PLCL1: variants seen among roughly 807,000 people sequenced by gnomAD.
PLCL1 encodes the protein phospholipase C like 1 (inactive), also known as inactive phospholipase C-like protein 1.
In PLCL1, 41 loss-of-function variants were observed where a neutral mutation model predicts 84.4. The ratio of observed to expected loss-of-function variants is 0.49; its 90% CI spans 0.38 to 0.63. The LOEUF (loss-of-function observed/expected upper bound fraction) is 0.63, where lower values mean the gene tolerates loss of function less well. Among genes scored for constraint, PLCL1 ranks in the 30% least tolerant of loss-of-function variants. PLCL1 has a pLI of 0.00. For synonymous variants in PLCL1, 490 were observed against 488.3 expected, an observed-to-expected ratio of 1.00 and a Z score of -0.05; for missense variants, 1,206 against 1,367.8, an observed-to-expected ratio of 0.88 and a Z score of 1.87.
chr2:197,930,574 C>G (rs1688912114), intron 1 of PLCL1, among the ~76,000 whole-genome samples: 1 of 151,994 alleles, frequency 6.6e-6, no homozygotes, highest in Non-Finnish European at 1.5e-5. Context: ...ATACCTTATT[C>G]TTTGATGCTT....
intron 1 of PLCL1, among the ~76,000 whole-genome samples, chr2:197,926,531 A>C (rs185985936): frequency 1.3e-5 from 2 of 152,304 alleles, no homozygotes; most frequent in Non-Finnish European, 2.9e-5. Context: ...ATATTTAAAA[A>C]ATTTGTCTCT....
rs1690453252 is a variant in PLCL1, at chr2:197,805,462, A to T, written c.240+123A>T. The T allele has an allele frequency of 1.1e-6, 1 of 901,804 alleles. No homozygotes were observed. 55.9% of individuals were successfully genotyped at this position (901,804 alleles called of 1,614,324 possible). Reference sequence around the variant, plus strand: ...GCATTGTTTTCTCCCACCTCCTTCAACGCCAAACCTTCCTTCCTTATCCGG... The same window carrying T: ...GCATTGTTTTCTCCCACCTCCTTCATCGCCAAACCTTCCTTCCTTATCCGG... On this transcript the variant is annotated intron_variant, in intron 1 of 5. Coordinates refer to ENST00000428675, the MANE Select transcript of PLCL1 (RefSeq NM_006226.4). The surrounding 1 kb of genome is among the most constrained non-coding windows in gnomAD (Gnocchi z 4.0).
intron 3 of PLCL1, among the ~76,000 whole-genome samples, chr2:198,089,340 A>G (rs1262676309): frequency 1.3e-5 from 2 of 152,242 alleles, no homozygotes; most frequent in African/African-American, 2.4e-5. Flanking sequence ...ATGTACACTC[A>G]TCATCTAAAT....
At chr2:198,076,620 T>C (rs1692581590) in intron 1 of PLCL1, among the ~76,000 whole-genome samples, 1 of 152,140 alleles carries the variant, frequency 6.6e-6, no homozygotes, top group African/African-American at 2.4e-5. Flanking sequence ...TACTTCTCAA[T>C]AGTGGCCATT....
intron 1 of PLCL1, among the ~76,000 whole-genome samples, chr2:198,034,385 A>G (rs1691504462): frequency 6.6e-6 from 1 of 152,236 alleles, no homozygotes; most frequent in South Asian, 2.1e-4. Context: ...GTATATACCC[A>G]AAGGATTATA....
At chr2:198,100,634 G>A (rs1693309469) in intron 3 of PLCL1, among the ~76,000 whole-genome samples, 1 of 152,086 alleles carries the variant, frequency 6.6e-6, no homozygotes, top group Non-Finnish European at 1.5e-5. Flanking sequence ...AAATGACAAA[G>A]CCAGGAATTA....
At chr2:197,934,767 A>ATACG (rs1449341278) in intron 1 of PLCL1, among the ~76,000 whole-genome samples, 1 of 152,236 alleles carries the variant, frequency 6.6e-6, no homozygotes, top group African/African-American at 2.4e-5. Context: ...GTCACCTCAC[A>ATACG]TACGTATCAT....
intron 1 of PLCL1, among the ~76,000 whole-genome samples, chr2:197,943,627 C>CTTTTTTTTTTTTTTTTTTTTTTTTTTT (rs5837573): frequency 1.7e-5 from 2 of 119,208 alleles, no homozygotes; most frequent in Non-Finnish European, 1.7e-5. Flanking sequence ...TTGGTTACAT[C>CTTTTTTTTTTTTTTTTTTTTTTTTTTT]TTTTTTTTTT....
chr2:197,983,033 T>C (rs1003641436), intron 1 of PLCL1, among the ~76,000 whole-genome samples: 3 of 151,982 alleles, frequency 2.0e-5, no homozygotes, highest in African/African-American at 7.2e-5. Context: ...TTTTAGTTCA[T>C]TATTTAGTTC....
intron 1 of PLCL1, among the ~76,000 whole-genome samples, chr2:197,997,143 C>T (rs765744689): frequency 6.6e-6 from 1 of 152,224 alleles, no homozygotes; most frequent in Non-Finnish European, 1.5e-5. Flanking sequence ...GTATAGCTGG[C>T]TTATCCCAGC....
intron 1 of PLCL1, among the ~76,000 whole-genome samples, chr2:197,909,376 T>G (rs563875498): frequency 6.6e-6 from 1 of 152,130 alleles, no homozygotes; most frequent in Non-Finnish European, 1.5e-5. Flanking sequence ...GCACTAAAAA[T>G]TCGTGCCTGG....
chr2:198,099,274 T>G (rs1036334), intron 3 of PLCL1, among the ~76,000 whole-genome samples: 90,884 of 151,672 alleles, frequency 0.6, 27,867 homozygotes, highest in East Asian at 0.81. Context: ...ATCAGTATCA[T>G]TTAGAGATCT....
chr2:197,906,488 G>A lies in PLCL1; in HGVS notation c.240+101149G>A, dbSNP rs144105924. Among the ~76,000 whole-genome samples the A allele has an allele frequency of 2.6e-3, 391 of 152,262 alleles. 1 individual carries two copies. The highest frequency in any genetic ancestry group is 8.9e-3 in the African/African-American group (371 of 41,530). On this transcript the variant is annotated intron_variant, in intron 1 of 5. Transcript: ENST00000428675. Reference sequence around the variant, plus strand: ...AGCCTTGTAGTATAGTTTGAAGTCAGGTAGCATGATGCCTCCAGCTTTGTT... The same window carrying A: ...AGCCTTGTAGTATAGTTTGAAGTCAAGTAGCATGATGCCTCCAGCTTTGTT...
chr2:198,003,558 T>C (rs1388627692), intron 1 of PLCL1, among the ~76,000 whole-genome samples: 1 of 152,238 alleles, frequency 6.6e-6, no homozygotes, highest in African/African-American at 2.4e-5. Context: ...TTAGACCTTC[T>C]ACTTAAGACA....
chr2:198,133,953 T>C (rs577381684), intron 5 of PLCL1, among the ~76,000 whole-genome samples: 1 of 152,278 alleles, frequency 6.6e-6, no homozygotes, highest in South Asian at 2.1e-4. Flanking sequence ...ATAAGAGTAT[T>C]GTAGTTATAC....
chr2:197,917,017 C>G (rs1688612145), intron 1 of PLCL1, among the ~76,000 whole-genome samples: 1 of 152,106 alleles, frequency 6.6e-6, no homozygotes, highest in African/African-American at 2.4e-5. Flanking sequence ...CAATTGCTGG[C>G]AAGAATGCAG....
intron 1 of PLCL1, among the ~76,000 whole-genome samples, chr2:197,845,850 T>G (rs899486999): frequency 1.3e-5 from 2 of 152,138 alleles, no homozygotes; most frequent in African/African-American, 4.8e-5. Context: ...CATTCTAACA[T>G]GCCTGTGTGT....
chr2:198,084,324 A>G lies in PLCL1; in HGVS notation c.807A>G (p.Lys269=). 1 of 1,613,816 alleles carries G rather than the reference A, an allele frequency of 6.2e-7. No individual in the cohort carries two copies. The highest frequency in any genetic ancestry group is 8.5e-7 in the Non-Finnish European group (1 of 1,179,670). Reference sequence around the variant, plus strand: ...AAGACACCTCTGTAGAGTTAATAAAACAACTCAACCCTACTCTGAAGGAAG... The same window carrying G: ...AAGACACCTCTGTAGAGTTAATAAAGCAACTCAACCCTACTCTGAAGGAAG... ...MLEDTSVELI[K]QLNPTLKEAK... Residue 269 remains lysine (K), a synonymous_variant, in exon 2 of 6, where the codon AAA becomes AAG. Transcript: ENST00000428675.
At chr2:197,934,390 T>C (rs1356783314) in intron 1 of PLCL1, among the ~76,000 whole-genome samples, 2 of 152,204 alleles carry the variant, frequency 1.3e-5, no homozygotes, top group Non-Finnish European at 2.9e-5. Flanking sequence ...GCAGAGTGTT[T>C]ATCAGTGCTG....
Sources: allele counts gnomAD v4.1 joint callset (sites outside exome capture counted in the v4.1 genomes callset), GRCh38; gene constraint gnomAD v4.1.1; non-coding constraint Gnocchi (gnomAD v3.1); transcripts MANE v1.5; gene names NCBI Gene and HGNC (gene_info 2026-07-23, HGNC 2026-07-21).